TTC8: variants seen among roughly 807,000 people sequenced by gnomAD.
TTC8 encodes the protein tetratricopeptide repeat domain 8, also known as tetratricopeptide repeat protein 8.
A neutral mutation model predicts 72.5 loss-of-function variants in TTC8; 47 were observed. The ratio of observed to expected loss-of-function variants is 0.65; its 90% CI spans 0.51 to 0.83. The LOEUF (loss-of-function observed/expected upper bound fraction) is 0.83. Ranked by LOEUF, TTC8 falls within the 40% of genes least tolerant of loss-of-function variation. TTC8 has a pLI of 0.00. For missense variants in TTC8, 611 were observed against 623.2 expected (o/e 0.98, Z 0.21); for synonymous variants, 199 against 221.4 (o/e 0.90, Z 0.90).
In TTC8 at chr14:88,841,015, T is replaced by C. The variant is rs780695642; in HGVS notation, c.330-22T>C. 2.3e-5 allele frequency: 37 copies of C among 1,613,936 alleles called. No homozygotes were observed. The East Asian group carries it at 8.0e-4, about 35-fold the overall frequency. ...TCCTCAAATGATCTTCTTTGTATTA[T>C]AACAATTTATAATCTTCACAGGCCA... On this transcript the variant is annotated intron_variant, in intron 4 of 14. Transcript: ENST00000380656.
chr14:88,839,102 G>C (rs2094767165), intron 2 of TTC8, among the ~76,000 whole-genome samples: 1 of 152,164 alleles, frequency 6.6e-6, no homozygotes. Context: ...GAGGAAGGCA[G>C]AAAGAACAAT....
At chr14:88,868,134 C>A (rs1454168844) in intron 10 of TTC8, among the ~76,000 whole-genome samples, 1 of 152,178 alleles carries the variant, frequency 6.6e-6, no homozygotes, top group Non-Finnish European at 1.5e-5. Flanking sequence ...GACTTAACAA[C>A]CTTCTCGCTC....
chr14:88,867,708 A>G (rs922119502), intron 10 of TTC8, among the ~76,000 whole-genome samples: 1 of 152,210 alleles, frequency 6.6e-6, no homozygotes, highest in African/African-American at 2.4e-5. Context: ...ATTCCTCGAG[A>G]TTACATAAAT....
intron 7 of TTC8, among the ~76,000 whole-genome samples, chr14:88,850,820 A>G (rs941889777): frequency 2.0e-5 from 3 of 152,232 alleles, no homozygotes; most frequent in Admixed American, 2.0e-4. Context: ...GGGGATACAC[A>G]GTCTCAAAAG....
chr14:88,824,981 A>G (rs145471689), intron 1 of TTC8, among the ~76,000 whole-genome samples, 160 bp downstream of exon 1: 279 of 152,242 alleles, frequency 1.8e-3, no homozygotes, highest in Non-Finnish European at 3.6e-3. Flanking sequence ...TGGAGCTGTG[A>G]CTAGCGGGTC....
rs146306231 is a variant in TTC8 at position 88,865,846 on chromosome 14, A to G, written c.910-4213A>G. Reference sequence around the variant, plus strand: ...TTTTAAGTCTACATTAATAAAATCTATTCTAGAACTAGTAAAATTTAAACA... The same window carrying G: ...TTTTAAGTCTACATTAATAAAATCTGTTCTAGAACTAGTAAAATTTAAACA... On this transcript the variant is annotated intron_variant, in intron 10 of 14. Transcript: ENST00000380656. Among the ~76,000 whole-genome samples the G allele has an allele frequency of 3.9e-4, 59 of 152,156 alleles. 1 individual carries two copies. The highest frequency in any genetic ancestry group is 1.3e-3 in the African/African-American group (55 of 41,562).
intron 10 of TTC8, among the ~76,000 whole-genome samples, chr14:88,866,474 A>G (rs1691278662): frequency 1.3e-5 from 2 of 151,956 alleles, no homozygotes; most frequent in Non-Finnish European, 2.9e-5. Flanking sequence ...AGGTATTTCC[A>G]TGTCATGGTG....
Position 88,864,558 on chromosome 14 carries a change from G to A in TTC8, c.909+3226G>A, listed in dbSNP as rs17124922. Among the ~76,000 whole-genome samples, 271 of 152,348 alleles carry A rather than the reference G, an allele frequency of 1.8e-3. 3 individuals are homozygous for A. The East Asian group carries it at 0.04, about 23-fold the overall frequency. On this transcript the variant is annotated intron_variant, in intron 10 of 14. Coordinates refer to ENST00000380656, the MANE Select transcript of TTC8 (RefSeq NM_144596.4). The stretch of plus-strand genomic sequence containing the variant: ...TGTTACAGTCACTGTTGCTGTGGCT[G>A]TGATACGGAGTAGCTCTGGAGTGGA...
At chr14:88,831,371 C>T (rs1566830771) in intron 1 of TTC8, among the ~76,000 whole-genome samples, 3 of 152,172 alleles carry the variant, frequency 2.0e-5, no homozygotes, top group South Asian at 4.1e-4. Flanking sequence ...AGTATAAATA[C>T]AGTTGCCAAG....
chr14:88,875,194 T>G (rs902141115), intron 14 of TTC8, 85 bp downstream of exon 14: 7 of 1,098,228 alleles, frequency 6.4e-6, no homozygotes, highest in Non-Finnish European at 9.5e-6. Context: ...ATGAGGAAAT[T>G]CTAACCTCAT....
chr14:88,841,656 T>C, intron 6 of TTC8, 142 bp downstream of exon 6: 1 of 756,188 alleles, frequency 1.3e-6, no homozygotes, highest in Non-Finnish European at 2.3e-6. Context: ...AAATTACTCT[T>C]AGTCTTTGAG....
At chr14:88,846,831 C>A (rs965375760) in intron 7 of TTC8, 50 of 416,340 alleles carry the variant, frequency 1.2e-4, no homozygotes, top group Admixed American at 3.2e-4. Flanking sequence ...AACATTTAAA[C>A]TTTTTATTTT....
intron 1 of TTC8, among the ~76,000 whole-genome samples, chr14:88,826,349 T>G (rs1049109023): frequency 2.6e-5 from 4 of 152,088 alleles, no homozygotes; most frequent in Non-Finnish European, 2.9e-5. Context: ...CACAATCAAA[T>G]ATGTTTGGGA....
At chr14:88,855,508 G>A (rs2094852051) in intron 8 of TTC8, among the ~76,000 whole-genome samples, 1 of 152,138 alleles carries the variant, frequency 6.6e-6, no homozygotes, top group Admixed American at 6.5e-5. Flanking sequence ...GATAGTATTA[G>A]ATTAAGTTCT....
chr14:88,829,353 C>T (rs912966210), intron 1 of TTC8, among the ~76,000 whole-genome samples: 24 of 152,192 alleles, frequency 1.6e-4, no homozygotes, highest in African/African-American at 5.1e-4. Context: ...CCTCTCCGTA[C>T]AGCACTGTGA....
intron 8 of TTC8, among the ~76,000 whole-genome samples, chr14:88,853,473 T>C (rs1324280233): frequency 6.6e-6 from 1 of 152,232 alleles, no homozygotes; most frequent in African/African-American, 2.4e-5. Context: ...TAAGAGATAC[T>C]TTGTTCCTAC....
At chr14:88,852,225 C>A (rs2094836920) in intron 7 of TTC8, among the ~76,000 whole-genome samples, 3 of 152,176 alleles carry the variant, frequency 2.0e-5, no homozygotes, top group Admixed American at 2.0e-4. Context: ...GTTTCCACCT[C>A]CTCTATGTAA....
In TTC8 at chr14:88,871,939, C is replaced by T. The variant is rs1225774918; in HGVS notation, c.1224+216C>T. 1.3e-5 allele frequency among the ~76,000 whole-genome samples: 2 copies of T among 152,120 alleles called. No homozygotes were observed. The highest frequency in any genetic ancestry group is 4.8e-5 in the African/African-American group (2 of 41,422). On this transcript the variant is annotated intron_variant, in intron 12 of 14. Transcript: ENST00000380656. This position sits in a 1 kb window ranked among gnomAD's most constrained non-coding sequence, Gnocchi z 4.1. ...TGGTAGTGCACATCTGTAGTCCCAG[C>T]TACTCTGAGGGCTGAGGCAGGAAGA...
intron 14 of TTC8, among the ~76,000 whole-genome samples, chr14:88,875,547 G>T (rs1472686390): frequency 6.6e-6 from 1 of 152,040 alleles, no homozygotes; most frequent in Non-Finnish European, 1.5e-5. Flanking sequence ...AGAATATGGG[G>T]GAAATAATAC....
Sources: allele counts gnomAD v4.1 joint callset (sites outside exome capture counted in the v4.1 genomes callset), GRCh38; gene constraint gnomAD v4.1.1; non-coding constraint Gnocchi (gnomAD v3.1); transcripts MANE v1.5; gene names NCBI Gene and HGNC (gene_info 2026-07-23, HGNC 2026-07-21).